Variants in DAB1 observed in about 807,000 individuals in gnomAD.
The protein encoded by DAB1 is disabled homolog 1.
A neutral mutation model predicts 64.6 loss-of-function variants in DAB1; 15 were observed. The ratio of observed to expected loss-of-function variants is 0.23; its 90% CI spans 0.16 to 0.36. DAB1 has a LOEUF of 0.36. Among genes scored for constraint, DAB1 ranks in the 10% least tolerant of loss-of-function variants. DAB1 has a pLI of 1.00. For synonymous variants in DAB1, 235 were observed against 251.9 expected (o/e 0.93, Z 0.64); for missense variants, 596 against 706.7 (o/e 0.84, Z 1.78).
intron 4 of DAB1, among the ~76,000 whole-genome samples, chr1:58,199,635 A>G (rs1191104906): frequency 6.6e-6 from 1 of 152,232 alleles, no homozygotes; most frequent in Admixed American, 6.5e-5. Flanking sequence ...CTAATAGTAT[A>G]TTTTTAAATT....
intron 2 of DAB1, among the ~76,000 whole-genome samples, chr1:58,509,184 A>G (rs1646034985): frequency 6.6e-6 from 1 of 152,188 alleles, no homozygotes; most frequent in Non-Finnish European, 1.5e-5. Flanking sequence ...AATATGTACC[A>G]AAGGATGAAG....
intron 1 of DAB1, among the ~76,000 whole-genome samples, chr1:57,373,847 A>G (rs776257533): frequency 6.6e-6 from 1 of 152,176 alleles, no homozygotes; most frequent in Admixed American, 6.5e-5. Context: ...TGCAAATTAT[A>G]TATCTGTGGC....
chr1:57,533,790 C>G (rs866056770), intron 7 of DAB1, among the ~76,000 whole-genome samples: 1 of 151,736 alleles, frequency 6.6e-6, no homozygotes, highest in Non-Finnish European at 1.5e-5. Flanking sequence ...ATATACGGAG[C>G]AGGGACAGGA....
intron 5 of DAB1, among the ~76,000 whole-genome samples, chr1:57,934,203 C>T (rs552547673): frequency 1.7e-4 from 26 of 151,894 alleles, no homozygotes; most frequent in Admixed American, 3.3e-4. Flanking sequence ...GGATTACAGG[C>T]GTGAGCCACT....
At chr1:57,221,897 T>C (rs1408882791) in intron 2 of DAB1, among the ~76,000 whole-genome samples, 1 of 152,168 alleles carries the variant, frequency 6.6e-6, no homozygotes, top group Non-Finnish European at 1.5e-5. Context: ...TCATTTTTTT[T>C]TTTTTGCTTT....
chr1:57,589,598 A>G (rs1353643194), intron 7 of DAB1, among the ~76,000 whole-genome samples: 1 of 152,088 alleles, frequency 6.6e-6, no homozygotes, highest in South Asian at 2.1e-4. Flanking sequence ...CTCTACTAAA[A>G]ATACAGAAAT....
intron 2 of DAB1, among the ~76,000 whole-genome samples, chr1:57,171,597 TCTTCCACA>T (rs1661772556): frequency 6.6e-6 from 1 of 152,232 alleles, no homozygotes; most frequent in East Asian, 1.9e-4. Context: ...TACTGTCAAA[TCTTCCACA>T]GCAGGATGTG....
intron 3 of DAB1, among the ~76,000 whole-genome samples, chr1:58,463,008 G>A (rs1323063404): frequency 2.6e-5 from 4 of 152,192 alleles, no homozygotes; most frequent in Non-Finnish European, 5.9e-5. Context: ...AGACTCAAAT[G>A]AAATGGTGAA....
intron 7 of DAB1, among the ~76,000 whole-genome samples, chr1:57,518,855 C>T (rs1480305206): frequency 6.6e-6 from 1 of 152,146 alleles, no homozygotes; most frequent in African/African-American, 2.4e-5. Context: ...TAGTAACAAA[C>T]CTTTTATATC....
At chr1:57,645,162 C>T (rs1046625915) in intron 7 of DAB1, among the ~76,000 whole-genome samples, 2 of 152,194 alleles carry the variant, frequency 1.3e-5, no homozygotes, top group Non-Finnish European at 2.9e-5. Context: ...CCTCCCAAGT[C>T]TCCCTGTGGC....
intron 3 of DAB1, among the ~76,000 whole-genome samples, chr1:58,492,006 T>C (rs1275553307): frequency 3.9e-5 from 6 of 152,114 alleles, no homozygotes; most frequent in African/African-American, 7.2e-5. Flanking sequence ...ATTGACCACA[T>C]AGTTGGAAGT....
At chr1:57,852,343 G>A (rs1316939808) in intron 1 of DAB1, among the ~76,000 whole-genome samples, 1 of 152,100 alleles carries the variant, frequency 6.6e-6, no homozygotes, top group Non-Finnish European at 1.5e-5. Flanking sequence ...TTACATGACT[G>A]TCTATTCTTC....
At chr1:58,344,730 T>C (rs1643975990) in intron 3 of DAB1, among the ~76,000 whole-genome samples, 1 of 152,208 alleles carries the variant, frequency 6.6e-6, no homozygotes, top group South Asian at 2.1e-4. Context: ...TAAATACCAT[T>C]GAGAGGTTAA....
chr1:57,651,492 G>A (rs571403258), intron 6 of DAB1, among the ~76,000 whole-genome samples: 40 of 152,208 alleles, frequency 2.6e-4, no homozygotes, highest in African/African-American at 9.4e-4. Context: ...ATATAGCCAG[G>A]ATATTAATAT....
intron 5 of DAB1, among the ~76,000 whole-genome samples, chr1:57,908,779 T>C (rs1332501948): frequency 1.3e-5 from 2 of 152,192 alleles, no homozygotes; most frequent in Admixed American, 6.5e-5. Context: ...GCTGAGGCCC[T>C]GGGCTTCTGT....
chr1:57,061,233 G>GGGT (rs1557650855), intron 9 of DAB1, among the ~76,000 whole-genome samples: 1 of 150,948 alleles, frequency 6.6e-6, no homozygotes, highest in Non-Finnish European at 1.5e-5. Flanking sequence ...TTAGATGGGG[G>GGGT]GGGGGGGTGG....
At chr1:57,511,599 T>C (rs980572484) in intron 7 of DAB1, among the ~76,000 whole-genome samples, 5 of 152,232 alleles carry the variant, frequency 3.3e-5, no homozygotes, top group Admixed American at 3.3e-4. Flanking sequence ...CCCTTGTTTT[T>C]TTCTTTCTAG....
At chr1:58,410,100 G>A (rs1002037480) in intron 3 of DAB1, among the ~76,000 whole-genome samples, 4 of 152,118 alleles carry the variant, frequency 2.6e-5, no homozygotes, top group Non-Finnish European at 5.9e-5. Context: ...TTATCCCAGA[G>A]CAAGAGTAAT....
chr1:58,500,899 T>G (rs1218482393), intron 3 of DAB1, among the ~76,000 whole-genome samples: 2 of 152,154 alleles, frequency 1.3e-5, no homozygotes, highest in East Asian at 3.8e-4. Flanking sequence ...ATAACAATCT[T>G]CATAGAAAAA....
Sources: allele counts gnomAD v4.1 joint callset (sites outside exome capture counted in the v4.1 genomes callset), GRCh38; gene constraint gnomAD v4.1.1; transcripts MANE v1.5; gene names NCBI Gene and HGNC (gene_info 2026-07-23, HGNC 2026-07-21).